PXDN: variants seen among roughly 807,000 people sequenced by gnomAD.
PXDN encodes peroxidasin, also known as peroxidasin homolog.
PXDN carries 77 observed loss-of-function variants against 140.3 expected under a neutral mutation model. That is an observed-to-expected ratio of 0.55 (90% confidence interval 0.46 to 0.66). PXDN has a LOEUF of 0.66. Ranked by LOEUF, PXDN falls within the 30% of genes least tolerant of loss-of-function variation. The pLI, the probability that PXDN is intolerant of heterozygous loss-of-function variation, is 0.00. For synonymous variants in PXDN, 911 were observed against 857.4 expected (o/e 1.06, Z -1.09); for missense variants, 1,838 against 2,039.5 (o/e 0.90, Z 1.90).
rs1558494293 is a variant in PXDN, at chr2:1,658,052, CT to C, written c.1837+2828del. Among the ~76,000 whole-genome samples, 72 of 127,908 alleles carry C rather than the reference CT, an allele frequency of 5.6e-4. 4 individuals are homozygous for C. The highest frequency in any genetic ancestry group is 7.5e-3 in the Middle Eastern group (2 of 266). The allele number at this position is 127,908 out of a possible 152,430, so 83.9% of individuals were successfully genotyped here. A position where few individuals can be genotyped will look rare whatever the true frequency, so the allele number is the denominator to read the frequency against. ...GCTCTCTCTCTCTCTCTCTCTCTCT[CT>C]CTCTCTCTCTCTCTCTCTCTCTCTC... On this transcript the variant is annotated intron_variant, in intron 14 of 22. Transcript: ENST00000252804.
intron 22 of PXDN, among the ~76,000 whole-genome samples, chr2:1,634,692 A>C (rs928416657): frequency 4.6e-5 from 7 of 152,166 alleles, no homozygotes; most frequent in Non-Finnish European, 1.0e-4. Flanking sequence ...GTCAGGAAGC[A>C]GGATGGGACT....
In PXDN at chr2:1,651,072, G is replaced by T. The variant is rs1001005346; in HGVS notation, c.2105-1397C>A. On this transcript the variant is annotated intron_variant, in intron 16 of 22. Transcript: ENST00000252804. This position sits in a 1 kb window ranked among gnomAD's most constrained non-coding sequence, Gnocchi z 4.4. ...GAACATGAACCCCGGGCTCCCCTCA[G>T]CCCCTGGTTCTGTTCTGTCTGACTT... Among the ~76,000 whole-genome samples, 4 of 152,100 alleles carry T rather than the reference G, an allele frequency of 2.6e-5. No individual in the cohort carries two copies. Among genetic ancestry groups the T allele is most frequent in the African/African-American group, 9.7e-5 (4 of 41,444 alleles).
chr2:1,701,814 G>A (rs1017012382), intron 1 of PXDN, among the ~76,000 whole-genome samples: 1 of 152,118 alleles, frequency 6.6e-6, no homozygotes, highest in African/African-American at 2.4e-5. Context: ...TGCCCCCAGG[G>A]TGGGATGACT....
rs1256578517 is a variant in PXDN, at chr2:1,744,240, C to T, written c.200+16G>A. On this transcript the variant is annotated intron_variant, in intron 1 of 22. Transcript: ENST00000252804. Reference sequence around the variant, plus strand: ...GCCCCGGACCCCGCGCCCCCGGCGTCCCCCGCGGCACTCACAGGATGGAGG... The same window carrying T: ...GCCCCGGACCCCGCGCCCCCGGCGTTCCCCGCGGCACTCACAGGATGGAGG... The T allele has an allele frequency of 1.4e-6, 2 of 1,475,800 alleles. No homozygotes were observed. The highest frequency in any genetic ancestry group is 1.8e-6 in the Non-Finnish European group (2 of 1,116,706). The allele number at this position is 1,475,800 out of a possible 1,614,324, so 91.4% of individuals were successfully genotyped here. A position where few individuals can be genotyped will look rare whatever the true frequency, so the allele number is the denominator to read the frequency against.
At chr2:1,657,279 T>A (rs796785301) in intron 14 of PXDN, among the ~76,000 whole-genome samples, 4 of 147,274 alleles carry the variant, frequency 2.7e-5, no homozygotes, top group African/African-American at 1.0e-4. Flanking sequence ...CCCTCCTGAC[T>A]GAAACCAGCC....
Position 1,648,065 on chromosome 2 carries a change from C to T in PXDN, c.3608+107G>A, listed in dbSNP as rs762154633. ...ACTTGACCTTCATCTCACCTCTGCACGACACGAACAAAACTCACACACAGA... is the reference window on the plus strand; with the variant it reads ...ACTTGACCTTCATCTCACCTCTGCATGACACGAACAAAACTCACACACAGA... On this transcript the variant is annotated intron_variant, in intron 17 of 22. Transcript: ENST00000252804. The surrounding 1 kb of genome is among the most constrained non-coding windows in gnomAD (Gnocchi z 8.9). The T allele has an allele frequency of 7.0e-6, 10 of 1,433,904 alleles. No homozygotes were observed. In the East Asian group the frequency reaches 1.1e-4, roughly 16 times the overall value. The allele number at this position is 1,433,904 out of a possible 1,614,324, so 88.8% of individuals were successfully genotyped here.
At chr2:1,731,129 A>G (rs1685302568) in intron 1 of PXDN, among the ~76,000 whole-genome samples, 1 of 144,358 alleles carries the variant, frequency 6.9e-6, no homozygotes, top group African/African-American at 2.5e-5. Flanking sequence ...CCTTGCCAAC[A>G]GAACACTGTT....
At chr2:1,738,612 G>A (rs116340984) in intron 1 of PXDN, among the ~76,000 whole-genome samples, 3,537 of 150,804 alleles carry the variant, frequency 0.023, 148 homozygotes, top group African/African-American at 0.082. Context: ...GCAGTGGCAT[G>A]ATCCCATCTC....
chr2:1,634,468 T>C, intron 22 of PXDN, 145 bp from the exon 23 acceptor site: 1 of 1,086,424 alleles, frequency 9.2e-7, no homozygotes, highest in Non-Finnish European at 1.3e-6. Context: ...GTACTTGCCC[T>C]GTGGGCATGG....
chr2:1,719,862 GTGTGT>G (rs1684978483), intron 1 of PXDN, among the ~76,000 whole-genome samples: 1 of 149,842 alleles, frequency 6.7e-6, no homozygotes, highest in African/African-American at 2.5e-5. Flanking sequence ...GTGTGTGTGT[GTGTGT>G]GTGTGTGAAA....
At chr2:1,646,083 C>T (rs576616844) in intron 17 of PXDN, 1 of 152,380 alleles carries the variant, frequency 6.6e-6, no homozygotes, top group East Asian at 1.9e-4. Context: ...TAGATGAGAA[C>T]TACACAATCT....
chr2:1,728,315 G>A (rs1558529429), intron 1 of PXDN, among the ~76,000 whole-genome samples: 1 of 152,222 alleles, frequency 6.6e-6, no homozygotes, highest in Non-Finnish European at 1.5e-5. Context: ...GCGGTCACAC[G>A]GCAAGGGCAC....
intron 3 of PXDN, among the ~76,000 whole-genome samples, chr2:1,690,523 A>T (rs890930005): frequency 1.1e-4 from 17 of 152,244 alleles, no homozygotes; most frequent in African/African-American, 2.2e-4. Context: ...ATAAAATATT[A>T]AAAAACCTGT....
At chr2:1,715,562 C>T (rs902916377) in intron 1 of PXDN, among the ~76,000 whole-genome samples, 9 of 152,192 alleles carry the variant, frequency 5.9e-5, no homozygotes, top group East Asian at 1.9e-4. Flanking sequence ...GCCACGGTGC[C>T]GGGCGGGTGT....
chr2:1,688,367 C>T (rs1325438394), intron 3 of PXDN, among the ~76,000 whole-genome samples: 3 of 152,230 alleles, frequency 2.0e-5, no homozygotes, highest in East Asian at 1.9e-4. Context: ...TCTGGGGCTG[C>T]GCTGGCGCTG....
At chr2:1,711,487 G>A (rs62116635) in intron 1 of PXDN, among the ~76,000 whole-genome samples, 376 of 37,034 alleles carry the variant, frequency 0.01, no homozygotes, top group African/African-American at 0.034. Context: ...ACCAGCACCC[G>A]CTCCACCAGC....
rs1046063332 is a variant in PXDN, at chr2:1,648,225, G to C, written c.3555C>G (p.Phe1185Leu). Residue 1185 changes from phenylalanine to leucine, a missense_variant, in exon 17 of 23, where the codon TTC (phenylalanine) becomes TTG (leucine). Physicochemically the swap from Phe to Leu is conservative, Grantham distance 22. Coordinates refer to ENST00000252804, the MANE Select transcript of PXDN (RefSeq NM_012293.3). The surrounding 1 kb of genome is among the most constrained non-coding windows in gnomAD (Gnocchi z 8.9). ...TTTTAATCTCATTTTTCAGGTCCTC[G>C]AACGTGTGTGCCGCCGATAGATTGC... is the stretch of plus-strand genomic sequence containing the variant. ...VYCNLSAAHT[F>L]EDLKNEIKNP... 2 of 1,613,632 alleles carry C rather than the reference G, an allele frequency of 1.2e-6. No individual in the cohort carries two copies. The highest frequency in any genetic ancestry group is 1.7e-6 in the Non-Finnish European group (2 of 1,179,800).
Position 1,687,839 on chromosome 2 carries a change from A to AC in PXDN, c.345-137dup, listed in dbSNP as rs1383341619. 1 of 640,324 alleles carries AC rather than the reference A, an allele frequency of 1.6e-6. No homozygotes were observed. Among genetic ancestry groups the AC allele is most frequent in the African/African-American group, 1.8e-5 (1 of 55,480 alleles). The allele number at this position is 640,324 out of a possible 1,614,324, so 39.7% of individuals were successfully genotyped here. A position where few individuals can be genotyped will look rare whatever the true frequency, so the allele number is the denominator to read the frequency against. On this transcript the variant is annotated intron_variant, in intron 3 of 22. Coordinates refer to ENST00000252804, the MANE Select transcript of PXDN (RefSeq NM_012293.3). This position sits in a 1 kb window ranked among gnomAD's most constrained non-coding sequence, Gnocchi z 4.0. The stretch of plus-strand genomic sequence containing the variant: ...ATTAGAATGCAAACAAACCATCTGC[A>AC]CGGTGAGTACAGTGCCTCTCCCAAG...
intron 16 of PXDN, among the ~76,000 whole-genome samples, chr2:1,652,079 C>A (rs1683027189): frequency 6.6e-6 from 1 of 152,138 alleles, no homozygotes; most frequent in East Asian, 1.9e-4. Flanking sequence ...TCCTTTCTGT[C>A]TTTCCCTGAG....
Sources: allele counts gnomAD v4.1 joint callset (sites outside exome capture counted in the v4.1 genomes callset), GRCh38; gene constraint gnomAD v4.1.1; non-coding constraint Gnocchi (gnomAD v3.1); transcripts MANE v1.5; gene names NCBI Gene and HGNC (gene_info 2026-07-23, HGNC 2026-07-21).